Variants in ASTN1 observed in about 807,000 individuals in gnomAD.
The protein encoded by ASTN1 is astrotactin-1.
A neutral mutation model predicts 140.7 loss-of-function variants in ASTN1; 41 were observed. That is an observed-to-expected ratio of 0.29 (90% CI 0.23 to 0.38). ASTN1 has a LOEUF of 0.38. ASTN1 is among the 10% of genes least tolerant of loss of function. The pLI, the probability that ASTN1 is intolerant of heterozygous loss-of-function variation, is 1.00. For synonymous variants in ASTN1, 640 were observed against 652.2 expected, an observed-to-expected ratio of 0.98 and a Z score of 0.29; for missense variants, 1,479 against 1,678.8, an observed-to-expected ratio of 0.88 and a Z score of 2.08.
At position 177,052,946 on chromosome 1, in the gene ASTN1, G is replaced by C. The variant is rs189559047; in HGVS notation, c.471+8132C>G. Among the ~76,000 whole-genome samples, 285 of 152,222 alleles carry C rather than the reference G, an allele frequency of 1.9e-3. 1 individual carries two copies. The highest frequency in any genetic ancestry group is 6.5e-3 in the African/African-American group (268 of 41,540). Reference sequence around the variant, plus strand: ...CCTTTCTTACAGCCTATGTGACTTTGGGCCTATAATTTACTTTCTCTCAGT... The same window carrying C: ...CCTTTCTTACAGCCTATGTGACTTTCGGCCTATAATTTACTTTCTCTCAGT... On this transcript the variant is annotated intron_variant, in intron 2 of 22. Transcript: ENST00000361833.
intron 22 of ASTN1, among the ~76,000 whole-genome samples, chr1:176,867,890 A>G (rs961254912): frequency 6.6e-6 from 1 of 152,060 alleles, no homozygotes; most frequent in Non-Finnish European, 1.5e-5. Context: ...TTTAAGGGAC[A>G]GAGGATTCTA....
At chr1:177,080,602 A>G (rs978405296) in intron 1 of ASTN1, among the ~76,000 whole-genome samples, 1 of 152,226 alleles carries the variant, frequency 6.6e-6, no homozygotes, top group Non-Finnish European at 1.5e-5. Flanking sequence ...ACGCCATGAA[A>G]CAGGATTAGA....
At position 176,956,577 on chromosome 1, in the gene ASTN1, C is replaced by T. The variant is rs149637963; in HGVS notation, c.1887+1101G>A. On this transcript the variant is annotated intron_variant, in intron 11 of 22. Transcript: ENST00000361833. ...CTCCCCAGAGCTGGAAGCTCCTGCTCCAACCGCCAATCCAGTAGAGCTACC... is the reference window on the plus strand; with the variant it reads ...CTCCCCAGAGCTGGAAGCTCCTGCTTCAACCGCCAATCCAGTAGAGCTACC... Among the ~76,000 whole-genome samples the T allele has an allele frequency of 1.3e-3, 194 of 152,334 alleles. No individual in the cohort carries two copies. In the Middle Eastern group the frequency reaches 0.014, roughly 11 times the overall value.
chr1:177,096,668 T>C (rs1307296165), intron 1 of ASTN1, among the ~76,000 whole-genome samples: 1 of 152,124 alleles, frequency 6.6e-6, no homozygotes, highest in Non-Finnish European at 1.5e-5. Context: ...ATCTGTGGTT[T>C]TGTAAAGGGC....
At chr1:177,033,538 C>G (rs1211142673) in intron 2 of ASTN1, among the ~76,000 whole-genome samples, 1 of 152,180 alleles carries the variant, frequency 6.6e-6, no homozygotes, top group Non-Finnish European at 1.5e-5. Flanking sequence ...AAACCATTGA[C>G]AAATCTGAAT....
chr1:177,039,131 G>T (rs1263897459), intron 2 of ASTN1, among the ~76,000 whole-genome samples: 1 of 152,210 alleles, frequency 6.6e-6, no homozygotes, highest in Non-Finnish European at 1.5e-5. Flanking sequence ...TCTGTCAAGA[G>T]ACTACAGCCA....
At chr1:176,922,444 C>G (rs1020122447) in intron 16 of ASTN1, among the ~76,000 whole-genome samples, 1 of 151,074 alleles carries the variant, frequency 6.6e-6, no homozygotes, top group Non-Finnish European at 1.5e-5. Context: ...TATCAAAAAG[C>G]TTCCCCAGGG....
At chr1:177,100,572 G>A (rs1680252398) in intron 1 of ASTN1, among the ~76,000 whole-genome samples, 1 of 151,684 alleles carries the variant, frequency 6.6e-6, no homozygotes, top group African/African-American at 2.4e-5. Flanking sequence ...GTGCCTCCAT[G>A]GAAAATATTT....
chr1:177,154,252 T>A (rs1558134785), intron 1 of ASTN1, among the ~76,000 whole-genome samples: 1 of 152,224 alleles, frequency 6.6e-6, no homozygotes, highest in Non-Finnish European at 1.5e-5. Flanking sequence ...ACAGTCAGAA[T>A]CAATGGATAA....
intron 1 of ASTN1, among the ~76,000 whole-genome samples, chr1:177,156,266 T>C (rs11807108): frequency 0.024 from 3,438 of 143,386 alleles, 145 homozygotes; most frequent in African/African-American, 0.088. Flanking sequence ...TGAGACTCCG[T>C]CTCAAAAAAA....
intron 8 of ASTN1, among the ~76,000 whole-genome samples, chr1:176,991,416 A>G (rs1297076979): frequency 1.6e-4 from 2 of 12,564 alleles, no homozygotes; most frequent in Non-Finnish European, 4.6e-4. Flanking sequence ...TCTGTCTCAA[A>G]AAAAAAAAAA....
At chr1:176,870,077 G>T in intron 21 of ASTN1, among the ~76,000 whole-genome samples, 1 of 152,248 alleles carries the variant, frequency 6.6e-6, no homozygotes, top group African/African-American at 2.4e-5. Context: ...AAGTGGAAAT[G>T]ATTTTGTATA....
At chr1:177,023,033 T>G (rs1675904457) in intron 7 of ASTN1, among the ~76,000 whole-genome samples, 1 of 152,238 alleles carries the variant, frequency 6.6e-6, no homozygotes, top group African/African-American at 2.4e-5. Flanking sequence ...TATCATTTTC[T>G]TCTATAAACT....
At chr1:176,986,369 A>G (rs937252373) in intron 8 of ASTN1, among the ~76,000 whole-genome samples, 2 of 152,224 alleles carry the variant, frequency 1.3e-5, no homozygotes, top group Non-Finnish European at 2.9e-5. Flanking sequence ...ATACAGGTGC[A>G]TTATGCCAGA....
At chr1:176,926,977 C>A (rs996266365) in intron 16 of ASTN1, among the ~76,000 whole-genome samples, 3 of 152,214 alleles carry the variant, frequency 2.0e-5, no homozygotes, top group Non-Finnish European at 4.4e-5. Flanking sequence ...GTTTACTATC[C>A]TGGGAGAGGA....
At chr1:177,153,589 GA>G (rs1429096392) in intron 1 of ASTN1, among the ~76,000 whole-genome samples, 2 of 151,886 alleles carry the variant, frequency 1.3e-5, no homozygotes, top group South Asian at 2.1e-4. Flanking sequence ...GAATATTCAG[GA>G]AAAAAATGAT....
At chr1:177,125,693 G>A (rs1003821469) in intron 1 of ASTN1, among the ~76,000 whole-genome samples, 1 of 152,164 alleles carries the variant, frequency 6.6e-6, no homozygotes, top group Non-Finnish European at 1.5e-5. Context: ...TATATTACAC[G>A]AAGGACATTA....
chr1:177,073,527 GTA>G, intron 1 of ASTN1, among the ~76,000 whole-genome samples: 1 of 149,360 alleles, frequency 6.7e-6, no homozygotes, highest in African/African-American at 2.5e-5. Context: ...AGTCTGCCTT[GTA>G]TCAGGAGACT....
intron 5 of ASTN1, among the ~76,000 whole-genome samples, chr1:177,026,627 C>A (rs1676129281): frequency 6.6e-6 from 1 of 152,166 alleles, no homozygotes. Flanking sequence ...ATTCCCACCG[C>A]AGTGTACAAG....
Sources: gnomAD v4.1 joint callset for allele counts (sites outside exome capture counted in the v4.1 genomes callset) on GRCh38, gnomAD v4.1.1 for gene constraint, MANE v1.5 for transcripts, NCBI Gene and HGNC (gene_info 2026-07-23, HGNC 2026-07-21) for gene names.